Variants in DIP2A observed in about 807,000 individuals in gnomAD.
The protein encoded by DIP2A is disco-interacting protein 2 homolog A.
Under a neutral mutation model 177.4 loss-of-function variants are expected in DIP2A, and 85 were observed. That is an observed-to-expected ratio of 0.48 (90% CI 0.40 to 0.57). The LOEUF (loss-of-function observed/expected upper bound fraction) is 0.57. Among genes scored for constraint, DIP2A ranks in the 20% least tolerant of loss-of-function variants. The pLI is 0.00. For missense variants in DIP2A, 1,791 were observed against 2,100.2 expected, an observed-to-expected ratio of 0.85 and a Z score of 2.88; for synonymous variants, 886 against 881.8, an observed-to-expected ratio of 1.00 and a Z score of -0.08.
intron 1 of DIP2A, among the ~76,000 whole-genome samples, chr21:46,467,755 T>C (rs372197767): frequency 1.3e-5 from 2 of 152,290 alleles, no homozygotes; most frequent in South Asian, 4.1e-4. Flanking sequence ...GTTTTTTTTT[T>C]CATAGTAAAT....
chr21:46,514,435 C>CA (rs201042541), intron 8 of DIP2A, among the ~76,000 whole-genome samples: 125 of 133,346 alleles, frequency 9.4e-4, no homozygotes, highest in South Asian at 1.2e-3. Flanking sequence ...GACTCCATCT[C>CA]AAAAAAAAAA....
At chr21:46,509,151 T>C in intron 6 of DIP2A, 106 bp from the exon 7 acceptor site, 1 of 1,270,702 alleles carries the variant, frequency 7.9e-7, no homozygotes, top group South Asian at 2.4e-5. Context: ...CTTGGATGGA[T>C]TTGTAAGCTC....
At chr21:46,528,813 T>A (rs1376693489) in intron 8 of DIP2A, among the ~76,000 whole-genome samples, 1 of 151,944 alleles carries the variant, frequency 6.6e-6, no homozygotes, top group Non-Finnish European at 1.5e-5. Context: ...CAGGTGTGAG[T>A]CACTGCAACC....
chr21:46,575,353 TGATAA>T, the DIP2A span, among the ~76,000 whole-genome samples: 24 of 152,302 alleles, frequency 1.6e-4, no homozygotes, highest in Non-Finnish European at 3.5e-4. Flanking sequence ...AAGCTTTTTC[TGATAA>T]GATCAGAAAC....
At chr21:46,490,858 C>A in intron 3 of DIP2A, 139 bp downstream of exon 3, 1 of 1,114,676 alleles carries the variant, frequency 9.0e-7, no homozygotes, top group Non-Finnish European at 1.2e-6. Context: ...TAATGTACAT[C>A]ATCATATTTT....
chr21:46,570,364 G>A (rs567783157), downstream of DIP2A, among the ~76,000 whole-genome samples: 4 of 152,318 alleles, frequency 2.6e-5, no homozygotes, highest in East Asian at 7.7e-4. Context: ...AGGCAAATAA[G>A]TGTTGTGTCT....
intron 20 of DIP2A, chr21:46,546,339 A>G (rs934007731): frequency 2.9e-6 from 3 of 1,037,990 alleles, no homozygotes; most frequent in South Asian, 8.2e-5. Flanking sequence ...CAACTGGGCA[A>G]TTTTGCCCCT....
At position 46,566,645 on chromosome 21, in the gene DIP2A, G is replaced by C; in HGVS notation, c.4425G>C (p.Glu1475Asp). The change falls in exon 37 of 38, where the codon GAG becomes GAC. Residue 1475 changes from glutamate to aspartate, a missense_variant. Physicochemically the swap from Glu to Asp is conservative, Grantham distance 45. Transcript: ENST00000417564. ...RGMRYHPIDI[E>D]TSVIRAHRSI... ...TGCGGTACCACCCCATCGACATTGAGACCTCTGTCATCCGAGCACACAGGA... is the reference window on the plus strand; with the variant it reads ...TGCGGTACCACCCCATCGACATTGACACCTCTGTCATCCGAGCACACAGGA... 1 of 1,614,222 alleles carries C rather than the reference G, an allele frequency of 6.2e-7. No homozygotes were observed. The highest frequency in any genetic ancestry group is 8.5e-7 in the Non-Finnish European group (1 of 1,180,030).
chr21:46,522,464 C>G (rs1214944858), intron 8 of DIP2A, among the ~76,000 whole-genome samples: 1 of 152,138 alleles, frequency 6.6e-6, no homozygotes, highest in Non-Finnish European at 1.5e-5. Flanking sequence ...AATCAAAGTT[C>G]TCATTTCTAT....
intron 16 of DIP2A, chr21:46,539,358 CTTGGGAGGTCACCCCACCTT>C (rs2059708248): frequency 5.4e-6 from 1 of 183,790 alleles, no homozygotes; most frequent in Admixed American, 5.6e-5. Context: ...CACCCCATCT[CTTGGGAGGTCACCCCACCTT>C]TGAGCACCCC....
intron 28 of DIP2A, chr21:46,555,527 A>G (rs1441341392): frequency 4.9e-6 from 1 of 204,896 alleles, no homozygotes. Context: ...GCCTGTGTCC[A>G]GTTGCACCCA....
At position 46,537,327 on chromosome 21, in the gene DIP2A, G is replaced by A; in HGVS notation, c.1707+39G>A. On this transcript the variant is annotated intron_variant, in intron 14 of 37. Coordinates refer to ENST00000417564, the MANE Select transcript of DIP2A (RefSeq NM_015151.4). This position sits in a 1 kb window ranked among gnomAD's most constrained non-coding sequence, Gnocchi z 4.1. ...GCTGATGACTAACTGTTGGAACAAG[G>A]GATTGAGATGAACCCAAGCCTCTGC... The A allele has an allele frequency of 6.2e-7, 1 of 1,612,830 alleles. No homozygotes were observed. Among genetic ancestry groups the A allele is most frequent in the Non-Finnish European group, 8.5e-7 (1 of 1,178,810 alleles).
chr21:46,481,709 T>C (rs891896347), intron 1 of DIP2A, among the ~76,000 whole-genome samples: 5 of 152,108 alleles, frequency 3.3e-5, no homozygotes, highest in African/African-American at 1.2e-4. Context: ...AGAAGGAAAA[T>C]GATAACAGCG....
intron 33 of DIP2A, chr21:46,560,996 TC>T: frequency 1.0e-6 from 1 of 985,380 alleles, no homozygotes; most frequent in Non-Finnish European, 1.2e-6. Flanking sequence ...TGTGCCCCAC[TC>T]CGGGCGTGCC....
At chr21:46,474,062 A>G (rs759942249) in intron 1 of DIP2A, among the ~76,000 whole-genome samples, 11 of 152,144 alleles carry the variant, frequency 7.2e-5, no homozygotes, top group Non-Finnish European at 1.3e-4. Flanking sequence ...AGGGCAAGAG[A>G]TTTTGCTGGT....
At chr21:46,486,088 AAAAGAACT>A (rs201251982) in intron 2 of DIP2A, among the ~76,000 whole-genome samples, 12,015 of 111,532 alleles carry the variant, frequency 0.11, 1,365 homozygotes, top group African/African-American at 0.21. Flanking sequence ...AAAAAAAAAA[AAAAGAACT>A]AAAGAACTAG....
chr21:46,557,421 C>T lies in DIP2A; in HGVS notation c.3630-164C>T, dbSNP rs2060506545. 3 of 913,612 alleles carry T rather than the reference C, an allele frequency of 3.3e-6. No homozygotes were observed. The highest frequency in any genetic ancestry group is 4.8e-6 in the Non-Finnish European group (3 of 621,264). The allele number at this position is 913,612 out of a possible 1,614,324, so 56.6% of individuals were successfully genotyped here. Reference sequence around the variant, plus strand: ...AACCCCGTGCCTGCCATCCCCCAACCTTCACCCTGTGGCATGTTTTCCACC... The same window carrying T: ...AACCCCGTGCCTGCCATCCCCCAACTTTCACCCTGTGGCATGTTTTCCACC... On this transcript the variant is annotated intron_variant, in intron 30 of 37. Coordinates refer to ENST00000417564, the MANE Select transcript of DIP2A (RefSeq NM_015151.4). This position sits in a 1 kb window ranked among gnomAD's most constrained non-coding sequence, Gnocchi z 6.0.
intron 35 of DIP2A, among the ~76,000 whole-genome samples, chr21:46,564,544 A>AGTCCCGAAT (rs57656907): frequency 0.13 from 19,758 of 152,146 alleles, 1,784 homozygotes; most frequent in African/African-American, 0.26. Context: ...CTTGACGTGC[A>AGTCCCGAAT]GTCCCGAATG....
At chr21:46,468,828 G>A (rs2055095191) in intron 1 of DIP2A, among the ~76,000 whole-genome samples, 1 of 152,102 alleles carries the variant, frequency 6.6e-6, no homozygotes, top group Non-Finnish European at 1.5e-5. Flanking sequence ...ATATGCACGA[G>A]TTCTTATAGG....
Sources: allele counts gnomAD v4.1 joint callset (sites outside exome capture counted in the v4.1 genomes callset), GRCh38; gene constraint gnomAD v4.1.1; non-coding constraint Gnocchi (gnomAD v3.1); transcripts MANE v1.5; gene names NCBI Gene and HGNC (gene_info 2026-07-23, HGNC 2026-07-21).